Variants in CCNF observed in about 807,000 individuals in gnomAD.
The protein encoded by CCNF is cyclin-F.
In CCNF, 30 loss-of-function variants were observed where a neutral mutation model predicts 85.4. The observed-to-expected ratio is 0.35, with a 90% CI of 0.26 to 0.48. The LOEUF is 0.48. Ranked by LOEUF, CCNF falls within the 20% of genes least tolerant of loss-of-function variation. The pLI is 0.99. For missense variants in CCNF, 919 were observed against 1,010.4 expected (o/e 0.91, Z 1.23); for synonymous variants, 439 against 425.1 (o/e 1.03, Z -0.40).
At chr16:2,443,923 C>CTTT in intron 9 of CCNF, 123 bp downstream of exon 9, 1 of 751,412 alleles carries the variant, frequency 1.3e-6, no homozygotes, top group Non-Finnish European at 1.9e-6. Flanking sequence ...CCCTTATCAC[C>CTTT]CTTTTTTTTT....
At chr16:2,438,840 A>AC (rs2141818569) in intron 6 of CCNF, among the ~76,000 whole-genome samples, 1 of 150,814 alleles carries the variant, frequency 6.6e-6, no homozygotes, top group East Asian at 2.0e-4. Flanking sequence ...TTACTAAAAA[A>AC]CACAAAAATT....
At chr16:2,450,966 C>T (rs191021221) in intron 13 of CCNF, among the ~76,000 whole-genome samples, 8 of 152,334 alleles carry the variant, frequency 5.3e-5, no homozygotes, top group Middle Eastern at 3.4e-3. Context: ...CCGTCGTGCC[C>T]GGATGTGACC....
In CCNF at chr16:2,431,206, C is replaced by T. The variant is rs779915331; in HGVS notation, c.93C>T (p.Thr31=). The change falls in exon 2 of 17, where the codon ACC becomes ACT. Residue 31 remains threonine (T), a synonymous_variant. Coordinates refer to ENST00000397066, the MANE Select transcript of CCNF (RefSeq NM_001761.3). ...RRIRRRPRNL[T]ILSLPEDVLF... is the part of the protein sequence containing the mutation. ...TAAGGAGGAGGCCCCGAAACCTGAC[C>T]ATCTTGAGTCTCCCCGAAGATGTGC... is the stretch of plus-strand genomic sequence containing the variant. 6.2e-7 allele frequency: 1 copy of T among 1,613,944 alleles called. No homozygotes were observed. The highest frequency in any genetic ancestry group is 1.3e-5 in the African/African-American group (1 of 74,870).
rs772604305 is a variant in CCNF at position 2,431,010 on chromosome 16, G to GTT, written c.17-120_17-119insTT. 28 of 1,052,486 alleles carry GTT rather than the reference G, an allele frequency of 2.7e-5. No individual in the cohort carries two copies. In the South Asian group the frequency reaches 2.9e-4, roughly 11 times the overall value. 65.2% of individuals were successfully genotyped at this position (1,052,486 alleles called of 1,614,324 possible). On this transcript the variant is annotated intron_variant, in intron 1 of 16. Transcript: ENST00000397066. Reference sequence around the variant, plus strand: ...GCATAGTTCCATCTTTTGTGGCACAGGGAATAGTAACCATTAGATCATCTT... The same window carrying GTT: ...GCATAGTTCCATCTTTTGTGGCACAGTTGGAATAGTAACCATTAGATCATCTT...
At position 2,455,584 on chromosome 16, in the gene CCNF, G is replaced by A; in HGVS notation, c.1885+20G>A. Reference sequence around the variant, plus strand: ...GCGACGGTGAGTGTGGGGCCAGGGTGCACCAGAAGGGACATCACACAGAGG... The same window carrying A: ...GCGACGGTGAGTGTGGGGCCAGGGTACACCAGAAGGGACATCACACAGAGG... On this transcript the variant is annotated intron_variant, in intron 16 of 16. Coordinates refer to ENST00000397066, the MANE Select transcript of CCNF (RefSeq NM_001761.3). The A allele has an allele frequency of 6.3e-7, 1 of 1,579,164 alleles. No individual in the cohort carries two copies. The highest frequency in any genetic ancestry group is 8.7e-7 in the Non-Finnish European group (1 of 1,154,050).
At position 2,456,806 on chromosome 16, in the gene CCNF, G is replaced by C. The variant is rs1211325681; in HGVS notation, c.2147G>C (p.Gly716Ala). The part of the protein sequence containing the change: ...STASPTSSVD[G>A]GLGALPQPTS... Reference sequence around the variant, plus strand: ...GCAAGTCCCACAAGCTCCGTGGACGGTGGCTTGGGGGCCCTGCCCCAACCT... The same window carrying C: ...GCAAGTCCCACAAGCTCCGTGGACGCTGGCTTGGGGGCCCTGCCCCAACCT... Residue 716 changes from glycine to alanine, a missense_variant, in exon 17 of 17, where the codon GGT (glycine) becomes GCT (alanine). Gly to Ala is a moderately conservative substitution (Grantham distance 60, BLOSUM62 0). Coordinates refer to ENST00000397066, the MANE Select transcript of CCNF (RefSeq NM_001761.3). The surrounding 1 kb of genome is among the most constrained non-coding windows in gnomAD (Gnocchi z 4.5). 6.2e-7 allele frequency: 1 copy of C among 1,613,928 alleles called. No homozygotes were observed. The highest frequency in any genetic ancestry group is 2.2e-5 in the East Asian group (1 of 44,888).
At chr16:2,445,332 AG>A in intron 9 of CCNF, 125 bp from the exon 10 acceptor site, 1 of 1,125,020 alleles carries the variant, frequency 8.9e-7, no homozygotes, top group Non-Finnish European at 1.3e-6. Context: ...CCTTGGTTCC[AG>A]GGTAAACCCA....
chr16:2,445,921 G>A (rs1410350728), intron 10 of CCNF, among the ~76,000 whole-genome samples: 3 of 151,928 alleles, frequency 2.0e-5, no homozygotes, highest in Non-Finnish European at 2.9e-5. Context: ...GTAGAGACGG[G>A]GTTTCATCAT....
intron 8 of CCNF, among the ~76,000 whole-genome samples, chr16:2,442,908 TATA>T (rs1218583324): frequency 1.2e-5 from 1 of 82,642 alleles, no homozygotes; most frequent in African/African-American, 5.1e-5. Flanking sequence ...TTATATAATA[TATA>T]AATATATATT....
In CCNF at chr16:2,452,676, C is replaced by T. The variant is rs1219601220; in HGVS notation, c.1488-534C>T. 2 of 157,268 alleles carry T rather than the reference C, an allele frequency of 1.3e-5. No individual in the cohort carries two copies. The highest frequency in any genetic ancestry group is 4.8e-5 in the African/African-American group (2 of 41,486). 9.7% of individuals were successfully genotyped at this position (157,268 alleles called of 1,614,324 possible). A position where few individuals can be genotyped will look rare whatever the true frequency, so the allele number is the denominator to read the frequency against. On this transcript the variant is annotated intron_variant, in intron 13 of 16. Transcript: ENST00000397066. This position sits in a 1 kb window ranked among gnomAD's most constrained non-coding sequence, Gnocchi z 4.1. ...CTTTCCCCAAAGGGACAACACACCC[C>T]TCAGCTGTCACCCTCCCGTTCCCCC...
intron 8 of CCNF, among the ~76,000 whole-genome samples, chr16:2,440,467 A>G (rs1444254086): frequency 6.6e-6 from 1 of 152,096 alleles, no homozygotes; most frequent in African/African-American, 2.4e-5. Flanking sequence ...AAATACAAAA[A>G]TTAGCTGGGC....
Position 2,432,951 on chromosome 16 carries a change from T to C in CCNF, c.172-10T>C. The C allele has an allele frequency of 6.4e-7, 1 of 1,573,004 alleles. No homozygotes were observed. Among genetic ancestry groups the C allele is most frequent in the Non-Finnish European group, 8.7e-7 (1 of 1,145,518 alleles). Reference sequence around the variant, plus strand: ...TCCATCACCCAGCCCCGGCCCCCGTTGTTCTGCAGGTACACTCCCAGCTGA... The same window carrying C: ...TCCATCACCCAGCCCCGGCCCCCGTCGTTCTGCAGGTACACTCCCAGCTGA... On this transcript the variant is annotated splice_polypyrimidine_tract_variant and intron_variant, in intron 2 of 16. Transcript: ENST00000397066.
chr16:2,429,619 C>T (rs1367274396), intron 1 of CCNF, 122 bp downstream of exon 1: 14 of 1,009,906 alleles, frequency 1.4e-5, no homozygotes, highest in Non-Finnish European at 1.6e-5. Flanking sequence ...GGCTCGAGCT[C>T]TTTAACCCGG....
At chr16:2,446,413 G>C (rs2065362719) in intron 10 of CCNF, among the ~76,000 whole-genome samples, 1 of 152,258 alleles carries the variant, frequency 6.6e-6, no homozygotes. Flanking sequence ...AGCCACGTGG[G>C]TGTCTCTCAG....
chr16:2,443,889 C>G (rs2065346313), intron 9 of CCNF, 89 bp downstream of exon 9: 1 of 1,253,864 alleles, frequency 8.0e-7, no homozygotes, highest in East Asian at 2.4e-5. Context: ...ACCCCAGTTA[C>G]CTGTGACAGG....
At chr16:2,449,724 T>G in intron 12 of CCNF, 104 bp from the exon 13 acceptor site, 1 of 823,112 alleles carries the variant, frequency 1.2e-6, no homozygotes, top group Non-Finnish European at 2.1e-6. Flanking sequence ...CCCACAGAGC[T>G]ATAGAGCGGG....
At position 2,456,747 on chromosome 16, in the gene CCNF, C is replaced by T. The variant is rs373857853; in HGVS notation, c.2088C>T (p.Asp696=). The T allele has an allele frequency of 8.1e-6, 13 of 1,612,120 alleles. No homozygotes were observed. The highest frequency in any genetic ancestry group is 5.3e-5 in the African/African-American group (4 of 75,042). Residue 696 remains aspartate (D), a synonymous_variant, in exon 17 of 17, where the codon GAC becomes GAT. Coordinates refer to ENST00000397066, the MANE Select transcript of CCNF (RefSeq NM_001761.3). This position sits in a 1 kb window ranked among gnomAD's most constrained non-coding sequence, Gnocchi z 4.5. The part of the protein sequence containing the change: ...LVRTSREPGK[D]VTTSGYSSVS... The stretch of plus-strand genomic sequence containing the variant: ...GCACCAGCCGGGAGCCAGGGAAGGA[C>T]GTCACGACCTCAGGGTACTCCTCCG...
intron 4 of CCNF, 59 bp from the exon 5 acceptor site, chr16:2,437,070 G>A (rs182167548): frequency 4.5e-5 from 63 of 1,399,850 alleles, no homozygotes; most frequent in East Asian, 2.9e-4. Context: ...ACCATGGAGA[G>A]CTTTCCACAT....
intron 10 of CCNF, among the ~76,000 whole-genome samples, chr16:2,447,836 C>A (rs979489582): frequency 6.6e-6 from 1 of 152,210 alleles, no homozygotes; most frequent in Non-Finnish European, 1.5e-5. Flanking sequence ...ATCTCACACC[C>A]CACGCTGGGC....
Sources: allele counts gnomAD v4.1 joint callset (sites outside exome capture counted in the v4.1 genomes callset), GRCh38; gene constraint gnomAD v4.1.1; non-coding constraint Gnocchi (gnomAD v3.1); transcripts MANE v1.5; gene names NCBI Gene and HGNC (gene_info 2026-07-23, HGNC 2026-07-21).